Variants in ADD3 observed in about 807,000 individuals in gnomAD.
The protein encoded by ADD3 is gamma-adducin.
ADD3 carries 25 observed loss-of-function variants against 80.2 expected under a neutral mutation model. The ratio of observed to expected loss-of-function variants is 0.31; its 90% confidence interval spans 0.23 to 0.44. The LOEUF (loss-of-function observed/expected upper bound fraction) is 0.44, where lower values mean the gene tolerates loss of function less well. Among genes scored for constraint, ADD3 ranks in the 20% least tolerant of loss-of-function variants. ADD3 has a pLI of 1.00. For missense variants in ADD3, 829 were observed against 847.5 expected, an observed-to-expected ratio of 0.98 and a Z score of 0.27; for synonymous variants, 284 against 289.6, an observed-to-expected ratio of 0.98 and a Z score of 0.20.
intron 1 of ADD3, among the ~76,000 whole-genome samples, chr10:110,090,433 C>T (rs1431239966): frequency 6.6e-6 from 1 of 152,050 alleles, no homozygotes; most frequent in South Asian, 2.1e-4. Context: ...GTTGCCAAGG[C>T]TTGTCTTGAA....
intron 1 of ADD3, among the ~76,000 whole-genome samples, chr10:110,077,935 G>T (rs1845566581): frequency 6.6e-6 from 1 of 152,196 alleles, no homozygotes; most frequent in African/African-American, 2.4e-5. Flanking sequence ...ACTCTCTGGT[G>T]TGTGGTCATG....
At chr10:110,052,796 G>C (rs937183114) in intron 1 of ADD3, among the ~76,000 whole-genome samples, 1 of 152,208 alleles carries the variant, frequency 6.6e-6, no homozygotes, top group Non-Finnish European at 1.5e-5. Context: ...GAAAGTCAGT[G>C]ACTCAAATGA....
chr10:110,111,904 ACT>A (rs1262835634), intron 2 of ADD3, among the ~76,000 whole-genome samples: 2 of 147,504 alleles, frequency 1.4e-5, no homozygotes, highest in Non-Finnish European at 2.9e-5. Flanking sequence ...CAAGAGCGAA[ACT>A]CTGTCTCAAA....
At chr10:110,120,292 T>TC (rs1433266567) in intron 8 of ADD3, among the ~76,000 whole-genome samples, 16 of 140,662 alleles carry the variant, frequency 1.1e-4, no homozygotes, top group African/African-American at 4.0e-4. Context: ...ATCTCATTGT[T>TC]CAATTCCCAC....
intron 1 of ADD3, among the ~76,000 whole-genome samples, chr10:110,085,899 A>G (rs1846669697): frequency 6.6e-6 from 1 of 151,328 alleles, no homozygotes; most frequent in Non-Finnish European, 1.5e-5. Context: ...TGAGGTCGGG[A>G]GTTCGAGTCC....
chr10:110,081,791 CTTCT>C (rs1188089306), intron 1 of ADD3, among the ~76,000 whole-genome samples: 1 of 152,180 alleles, frequency 6.6e-6, no homozygotes, highest in East Asian at 1.9e-4. Flanking sequence ...ATCCTGATGG[CTTCT>C]TTGTCAAATT....
In ADD3 at chr10:110,133,529, C is replaced by G; in HGVS notation, c.2032C>G (p.Pro678Ala). Residue 678 changes from proline to alanine, a missense_variant, in exon 15 of 15, where the codon CCT (proline) becomes GCT (alanine). Pro to Ala is a conservative substitution (Grantham distance 27). Transcript: ENST00000356080. Reference sequence around the variant, plus strand: ...AGAAGTCCTGTCACCTGAAGGCTCCCCTTCAAAATCGCCATCCAAGAAAAA... The same window carrying G: ...AGAAGTCCTGTCACCTGAAGGCTCCGCTTCAAAATCGCCATCCAAGAAAAA... Reference protein sequence around the residue: ...IEEVLSPEGSPSKSPSKKKKK... With the variant: ...IEEVLSPEGSASKSPSKKKKK... 1 of 1,612,404 alleles carries G rather than the reference C, an allele frequency of 6.2e-7. No homozygotes were observed. Among genetic ancestry groups the G allele is most frequent in the South Asian group, 1.1e-5 (1 of 90,470 alleles).
At chr10:110,034,162 AGAGTTT>A (rs1187233796) in intron 1 of ADD3, among the ~76,000 whole-genome samples, 1 of 152,164 alleles carries the variant, frequency 6.6e-6, no homozygotes, top group Non-Finnish European at 1.5e-5. Context: ...ACAAATCTCT[AGAGTTT>A]ATTTTTTTGA....
At chr10:110,057,399 A>G (rs1175433489) in intron 1 of ADD3, among the ~76,000 whole-genome samples, 1 of 152,162 alleles carries the variant, frequency 6.6e-6, no homozygotes, top group Admixed American at 6.5e-5. Context: ...CATGGCCTCA[A>G]TCAGTCCTCC....
At chr10:110,015,302 T>TAAAGCAAAG (rs1483908447) in intron 1 of ADD3, among the ~76,000 whole-genome samples, 1 of 152,172 alleles carries the variant, frequency 6.6e-6, no homozygotes, top group East Asian at 1.9e-4. Flanking sequence ...ATCAATGAAT[T>TAAAGCAAAG]AGAAATTCAT....
intron 10 of ADD3, 32 bp downstream of exon 10, chr10:110,124,306 C>G: frequency 1.3e-6 from 2 of 1,598,552 alleles, no homozygotes; most frequent in Non-Finnish European, 1.7e-6. Flanking sequence ...TTTGCCTTTA[C>G]TAAATATTTT....
In ADD3 at chr10:110,040,954, GTCTCTCTCTGTCTCTC is replaced by G. The variant is rs200126433; in HGVS notation, c.-30+32665_-30+32680del. Among the ~76,000 whole-genome samples, 148 of 29,618 alleles carry G rather than the reference GTCTCTCTCTGTCTCTC, an allele frequency of 5.0e-3. 2 individuals carry two copies. The East Asian group carries it at 0.26, about 51-fold the overall frequency. The allele number at this position is 29,618 out of a possible 152,430, so 19.4% of individuals were successfully genotyped here. On this transcript the variant is annotated intron_variant, in intron 1 of 14. Coordinates refer to ENST00000356080, the MANE Select transcript of ADD3 (RefSeq NM_016824.5). ...GCTCTCTCTCTCTCTCGCTCTCTCT[GTCTCTCTCTGTCTCTC>G]TCTCTCTCTCTCTCTCCGTGTGTCT...
rs537114198 is a variant in ADD3 at position 110,008,045 on chromosome 10, G to T, written c.-284G>T. On this transcript the variant is annotated 5_prime_UTR_variant, in exon 1 of 15. Coordinates refer to ENST00000356080, the MANE Select transcript of ADD3 (RefSeq NM_016824.5). ...TGAGGGGCGGGAGGGAAAGAAGAGG[G>T]GTTTAAATTAGATTTTTTAAAACAC... is the stretch of plus-strand genomic sequence containing the variant. 431 of 152,276 alleles carry T rather than the reference G, an allele frequency of 2.8e-3. 2 individuals are homozygous for T. Among genetic ancestry groups the T allele is most frequent in the Non-Finnish European group, 4.8e-3 (326 of 68,056 alleles). 9.4% of individuals were successfully genotyped at this position (152,276 alleles called of 1,614,324 possible).
chr10:110,046,781 A>C (rs1856957511), intron 1 of ADD3, among the ~76,000 whole-genome samples: 1 of 152,196 alleles, frequency 6.6e-6, no homozygotes, highest in African/African-American at 2.4e-5. Flanking sequence ...CCTTGTACAT[A>C]ATAGTTGCTT....
At chr10:110,000,956 T>G (rs1439960273), upstream of ADD3, among the ~76,000 whole-genome samples, 1 of 152,178 alleles carries the variant, frequency 6.6e-6, no homozygotes, top group Non-Finnish European at 1.5e-5. Context: ...CCAAACATAC[T>G]AAGAACACTA....
intron 1 of ADD3, among the ~76,000 whole-genome samples, chr10:110,052,971 G>T (rs1857698665): frequency 6.6e-6 from 1 of 152,160 alleles, no homozygotes; most frequent in Non-Finnish European, 1.5e-5. Flanking sequence ...TGAAGAGTTT[G>T]TCCTGAGGTG....
intron 1 of ADD3, among the ~76,000 whole-genome samples, chr10:110,042,005 G>A (rs1199120995): frequency 7.9e-5 from 12 of 152,232 alleles, no homozygotes; most frequent in South Asian, 2.1e-4. Context: ...CTTGGGATCC[G>A]TGACCCTGTA....
chr10:110,087,718 A>G (rs935832110), intron 1 of ADD3, among the ~76,000 whole-genome samples: 17 of 152,212 alleles, frequency 1.1e-4, no homozygotes, highest in African/African-American at 4.1e-4. Context: ...AAGGTGTGCT[A>G]TCTATTCACA....
rs1469664101 is a variant in ADD3, at chr10:110,119,219, C to T, written c.726C>T (p.Ser242=). 1.2e-6 allele frequency: 2 copies of T among 1,613,948 alleles called. No homozygotes were observed. Among genetic ancestry groups the T allele is most frequent in the African/African-American group, 1.3e-5 (1 of 74,916 alleles). The change falls in exon 7 of 15, where the codon TCC becomes TCT. Residue 242 remains serine (S), a synonymous_variant. Coordinates refer to ENST00000356080, the MANE Select transcript of ADD3 (RefSeq NM_016824.5). ...IHTLATAAVS[S]MKCGILPISQ... Reference sequence around the variant, plus strand: ...TGGGCCAAACCAAATAGGTATCCTCCATGAAATGTGGGATCCTTCCAATTT... The same window carrying T: ...TGGGCCAAACCAAATAGGTATCCTCTATGAAATGTGGGATCCTTCCAATTT...
Sources: gnomAD v4.1 joint callset for allele counts (sites outside exome capture counted in the v4.1 genomes callset) on GRCh38, gnomAD v4.1.1 for gene constraint, MANE v1.5 for transcripts, NCBI Gene and HGNC (gene_info 2026-07-23, HGNC 2026-07-21) for gene names.